SLC38A10: variants seen among roughly 807,000 people sequenced by gnomAD.
SLC38A10 encodes solute carrier family 38 member 10.
A neutral mutation model predicts 81.0 loss-of-function variants in SLC38A10; 53 were observed. The observed-to-expected ratio is 0.65, with a 90% CI of 0.53 to 0.82. The LOEUF (loss-of-function observed/expected upper bound fraction) is 0.82. Ranked by LOEUF, SLC38A10 falls within the 40% of genes least tolerant of loss-of-function variation. SLC38A10 has a pLI of 0.00. For missense variants in SLC38A10, 1,471 were observed against 1,545.0 expected (o/e 0.95, Z 0.80); for synonymous variants, 665 against 655.3 (o/e 1.01, Z -0.23).
At chr17:81,268,608 G>A (rs2063089631) in intron 10 of SLC38A10, among the ~76,000 whole-genome samples, 3 of 151,982 alleles carry the variant, frequency 2.0e-5, no homozygotes, top group South Asian at 4.1e-4. Flanking sequence ...ACAATGTCTT[G>A]TGGAGTTTTA....
chr17:81,252,072 C>G (rs751172165), intron 13 of SLC38A10, 123 bp downstream of exon 13: 4 of 1,377,846 alleles, frequency 2.9e-6, no homozygotes, highest in Non-Finnish European at 3.9e-6. Flanking sequence ...CATTTGCATG[C>G]TAATCTGGTG....
chr17:81,277,065 G>A lies in SLC38A10; in HGVS notation c.695C>T (p.Ser232Phe), dbSNP rs1286088699. 3.7e-6 allele frequency: 6 copies of A among 1,614,100 alleles called. No homozygotes were observed. The highest frequency in any genetic ancestry group is 1.1e-5 in the South Asian group (1 of 91,090). Residue 232 changes from serine (S) to phenylalanine (F), a missense_variant, in exon 7 of 16, where the codon TCC becomes TTC. This residue lies in a region of SLC38A10 where 720 missense variants were observed against 827.7 expected (regional missense o/e 0.87). Transcript: ENST00000374759. The surrounding 1 kb of genome is among the most constrained non-coding windows in gnomAD (Gnocchi z 4.5). ...SVKTMSSIFA[S>F]SLNVVTTFYV... ...GAAGGTGGTGACCACATTAAGGGAG[G>A]AAGCAAATATGGAGCTCATGGTTTT...
rs185107766 is a variant in SLC38A10 at position 81,283,076 on chromosome 17, C to T, written c.357+333G>A. 2.2e-3 allele frequency among the ~76,000 whole-genome samples: 341 copies of T among 152,226 alleles called. 7 individuals are homozygous for T. The highest frequency in any genetic ancestry group is 0.02 in the Admixed American group (309 of 15,296). Reference sequence around the variant, plus strand: ...AGAAGCTCTGGGTGACCATGGAGGCCGGGGATGCCTGAGGGCCTGGCCGCC... The same window carrying T: ...AGAAGCTCTGGGTGACCATGGAGGCTGGGGATGCCTGAGGGCCTGGCCGCC... On this transcript the variant is annotated intron_variant, in intron 4 of 15. Coordinates refer to ENST00000374759, the MANE Select transcript of SLC38A10 (RefSeq NM_001037984.3). This position sits in a 1 kb window ranked among gnomAD's most constrained non-coding sequence, Gnocchi z 4.7.
rs1567925847 is a variant in SLC38A10 at position 81,252,441 on chromosome 17, A to AG, written c.1698dup (p.Glu568GlyfsTer5). 1 of 1,613,262 alleles carries AG rather than the reference A, an allele frequency of 6.2e-7. No homozygotes were observed. The highest frequency in any genetic ancestry group is 8.5e-7 in the Non-Finnish European group (1 of 1,179,998). On this transcript the variant is annotated frameshift_variant, in exon 13 of 16. Transcript: ENST00000374759. LOFTEE classifies it high-confidence loss of function. ...TCAGGAAGATCACCCGCCTCCTCCAAGGCCTGGGCCTGTCCAGGCCTCTTC... is the reference window on the plus strand; with the variant it reads ...TCAGGAAGATCACCCGCCTCCTCCAAGGGCCTGGGCCTGTCCAGGCCTCTTC...
intron 14 of SLC38A10, chr17:81,250,973 G>A: frequency 7.5e-7 from 1 of 1,328,188 alleles, no homozygotes; most frequent in Non-Finnish European, 9.6e-7. Flanking sequence ...ACACAGCCGA[G>A]CTCCGAGGCC....
chr17:81,254,962 G>T (rs1419647386), intron 11 of SLC38A10, among the ~76,000 whole-genome samples: 1 of 152,266 alleles, frequency 6.6e-6, no homozygotes, highest in Non-Finnish European at 1.5e-5. Context: ...CGTTGTCATA[G>T]GACAAGTTGC....
chr17:81,257,047 C>T (rs9914795), intron 11 of SLC38A10, among the ~76,000 whole-genome samples: 30,750 of 152,226 alleles, frequency 0.2, 3,358 homozygotes, highest in Non-Finnish European at 0.23. Context: ...AACAGGGCCA[C>T]ATGCTTCTCC....
chr17:81,252,955 T>A (rs762311173), intron 12 of SLC38A10, 118 bp downstream of exon 12: 1 of 1,325,944 alleles, frequency 7.5e-7, no homozygotes, highest in Admixed American at 2.2e-5. Context: ...GAACTTAGGC[T>A]GGGCTGAAGG....
At chr17:81,271,780 G>T (rs2063118026) in intron 9 of SLC38A10, among the ~76,000 whole-genome samples, 1 of 137,960 alleles carries the variant, frequency 7.2e-6, no homozygotes, top group African/African-American at 2.7e-5. Context: ...TGGCTGGAGT[G>T]TAGTGGAGCG....
Position 81,251,736 on chromosome 17 carries a change from C to T in SLC38A10, c.1946-124G>A, listed in dbSNP as rs567115975. ...GCAGATGTTTCTAAAGTGACACCCC[C>T]GTCAGCACAGTTTATATTCAACCTG... On this transcript the variant is annotated intron_variant, in intron 13 of 15. Transcript: ENST00000374759. The T allele has an allele frequency of 5.2e-4, 547 of 1,047,686 alleles. 3 individuals are homozygous for T. Among genetic ancestry groups the T allele is most frequent in the Admixed American group, 2.9e-4 (8 of 27,994 alleles). 64.9% of individuals were successfully genotyped at this position (1,047,686 alleles called of 1,614,324 possible). A position where few individuals can be genotyped will look rare whatever the true frequency, so the allele number is the denominator to read the frequency against.
In SLC38A10 at chr17:81,277,317, G is replaced by A. The variant is rs1317853309; in HGVS notation, c.627-184C>T. On this transcript the variant is annotated intron_variant, in intron 6 of 15. Coordinates refer to ENST00000374759, the MANE Select transcript of SLC38A10 (RefSeq NM_001037984.3). The surrounding 1 kb of genome is among the most constrained non-coding windows in gnomAD (Gnocchi z 4.5). ...TGGTGTTGCTGAGGACAGGAGCGTT[G>A]CAGCAGCCCCCACTCAGGACACCCC... Among the ~76,000 whole-genome samples, 1 of 152,192 alleles carries A rather than the reference G, an allele frequency of 6.6e-6. No individual in the cohort carries two copies. The highest frequency in any genetic ancestry group is 1.5e-5 in the Non-Finnish European group (1 of 68,020).
Position 81,282,177 on chromosome 17 carries a change from C to T in SLC38A10, c.501+12G>A, listed in dbSNP as rs1567945358. 1 of 1,612,736 alleles carries T rather than the reference C, an allele frequency of 6.2e-7. No individual in the cohort carries two copies. ...GCCTTTCAGCGGGTACCCACGCGCG[C>T]TGCCGACTCACCACGAACATGAACA... On this transcript the variant is annotated intron_variant, in intron 5 of 15. Coordinates refer to ENST00000374759, the MANE Select transcript of SLC38A10 (RefSeq NM_001037984.3).
chr17:81,262,253 C>T (rs1261913804), intron 10 of SLC38A10, among the ~76,000 whole-genome samples: 1 of 152,156 alleles, frequency 6.6e-6, no homozygotes, highest in Non-Finnish European at 1.5e-5. Flanking sequence ...TGCCCCGGGA[C>T]CTCCATCTTC....
At position 81,289,941 on chromosome 17, in the gene SLC38A10, A is replaced by C; in HGVS notation, c.100-133T>G. The stretch of plus-strand genomic sequence containing the variant: ...CCATCCCAGTCTCCTGCCGAACGCG[A>C]CACTTCCTAGCACTGAAAGGGCCAT... On this transcript the variant is annotated intron_variant, in intron 1 of 15. Coordinates refer to ENST00000374759, the MANE Select transcript of SLC38A10 (RefSeq NM_001037984.3). The surrounding 1 kb of genome is among the most constrained non-coding windows in gnomAD (Gnocchi z 5.9). The C allele has an allele frequency of 1.4e-6, 1 of 691,680 alleles. No homozygotes were observed. The highest frequency in any genetic ancestry group is 2.3e-6 in the Non-Finnish European group (1 of 435,770). 42.8% of individuals were successfully genotyped at this position (691,680 alleles called of 1,614,324 possible).
chr17:81,247,867 T>C (rs182926502), intron 14 of SLC38A10, among the ~76,000 whole-genome samples: 2 of 150,588 alleles, frequency 1.3e-5, no homozygotes, highest in African/African-American at 4.9e-5. Flanking sequence ...AAAGAAAAAC[T>C]GTAAGCTATG....
At chr17:81,249,000 A>T (rs894898853) in intron 14 of SLC38A10, among the ~76,000 whole-genome samples, 6 of 152,190 alleles carry the variant, frequency 3.9e-5, no homozygotes, top group Non-Finnish European at 7.3e-5. Flanking sequence ...GCCGTGGGCC[A>T]CGTGCTCGCC....
Position 81,277,139 on chromosome 17 carries a change from T to C in SLC38A10, c.627-6A>G, listed in dbSNP as rs753306489. ...CGTAGGTGGGCAGCACCTGGCTGTA[T>C]AGAAACAGGCCATTTCACAGCGGAC... On this transcript the variant is annotated splice_region_variant and splice_polypyrimidine_tract_variant and intron_variant, in intron 6 of 15. Transcript: ENST00000374759. The surrounding 1 kb of genome is among the most constrained non-coding windows in gnomAD (Gnocchi z 4.5). The C allele has an allele frequency of 8.7e-6, 14 of 1,613,548 alleles. No individual in the cohort carries two copies. Among genetic ancestry groups the C allele is most frequent in the African/African-American group, 4.0e-5 (3 of 75,042 alleles).
At chr17:81,248,690 T>C (rs1215459586) in intron 14 of SLC38A10, among the ~76,000 whole-genome samples, 9 of 152,188 alleles carry the variant, frequency 5.9e-5, no homozygotes, top group South Asian at 2.1e-4. Context: ...ATGCCAGGCA[T>C]AGACTGACGT....
At chr17:81,260,476 G>C in intron 10 of SLC38A10, 82 bp from the exon 11 acceptor site, 1 of 1,487,798 alleles carries the variant, frequency 6.7e-7, no homozygotes. Flanking sequence ...CTGGCAGAGA[G>C]GCTCAGGGAC....
Sources: allele counts gnomAD v4.1 joint callset (sites outside exome capture counted in the v4.1 genomes callset), GRCh38; gene constraint gnomAD v4.1.1; regional missense constraint gnomAD v4.1.1; non-coding constraint Gnocchi (gnomAD v3.1); transcripts MANE v1.5; gene names NCBI Gene and HGNC (gene_info 2026-07-23, HGNC 2026-07-21).